CA10: variants seen among roughly 807,000 people sequenced by gnomAD.
CA10 encodes the protein carbonic anhydrase 10 (inactive).
A neutral mutation model predicts 44.2 loss-of-function variants in CA10; 14 were observed. The observed-to-expected ratio is 0.32, with a 90% CI of 0.21 to 0.50. The LOEUF (loss-of-function observed/expected upper bound fraction) is 0.50. CA10 is among the 20% of genes least tolerant of loss of function. The pLI, the probability that CA10 is intolerant of heterozygous loss-of-function variation, is 0.99. For synonymous variants in CA10, 159 were observed against 141.6 expected (o/e 1.12, Z -0.87); for missense variants, 350 against 409.7 (o/e 0.85, Z 1.26).
chr17:51,774,644 G>A (rs368589124), intron 3 of CA10, among the ~76,000 whole-genome samples: 226 of 151,924 alleles, frequency 1.5e-3, no homozygotes, highest in African/African-American at 5.0e-3. Context: ...GGGTTTCACC[G>A]TGTTGCCTAG....
intron 2 of CA10, among the ~76,000 whole-genome samples, chr17:51,976,877 AAAG>A (rs1350964270): frequency 2.0e-5 from 3 of 152,088 alleles, no homozygotes; most frequent in African/African-American, 4.8e-5. Context: ...ATCAGAAGCA[AAAG>A]AAGGGACCTT....
At chr17:52,060,486 A>G (rs187053737) in intron 2 of CA10, among the ~76,000 whole-genome samples, 2 of 152,328 alleles carry the variant, frequency 1.3e-5, no homozygotes, top group Admixed American at 1.3e-4. Flanking sequence ...AATGTAAGGC[A>G]TTAAATTAGG....
At chr17:51,903,844 C>T (rs532394191) in intron 3 of CA10, among the ~76,000 whole-genome samples, 96 of 152,048 alleles carry the variant, frequency 6.3e-4, no homozygotes, top group Non-Finnish European at 1.1e-3. Context: ...AGGTAGTAAG[C>T]TATTTTCTAT....
In CA10 at chr17:52,098,310, G is replaced by T. The variant is rs8074379; in HGVS notation, c.62-25917C>A. Among the ~76,000 whole-genome samples, 1,394 of 152,068 alleles carry T rather than the reference G, an allele frequency of 9.2e-3. 9 individuals are homozygous for T. Among genetic ancestry groups the T allele is most frequent in the Middle Eastern group, 0.051 (15 of 294 alleles). On this transcript the variant is annotated intron_variant, in intron 1 of 8. Coordinates refer to ENST00000451037, the MANE Select transcript of CA10 (RefSeq NM_020178.5). The stretch of plus-strand genomic sequence containing the variant: ...TGTGCATGAAACATCTACATTTTTT[G>T]AAAAAATTGTGGATATGACTCAGAA...
In CA10 at chr17:51,845,507, A is replaced by C. The variant is rs982839203; in HGVS notation, c.279+85483T>G. On this transcript the variant is annotated intron_variant, in intron 3 of 8. Transcript: ENST00000451037. ...CTGCTTCCAAATTCCTGATCCACAG[A>C]AACTGTGTGAAACTAAATATTGTTT... Among the ~76,000 whole-genome samples the C allele has an allele frequency of 1.3e-5, 2 of 152,210 alleles. 1 individual carries two copies. Among genetic ancestry groups the C allele is most frequent in the African/African-American group, 4.8e-5 (2 of 41,446 alleles).
intron 3 of CA10, among the ~76,000 whole-genome samples, chr17:51,811,149 T>C (rs1368457262): frequency 6.6e-6 from 1 of 150,728 alleles, no homozygotes; most frequent in East Asian, 2.0e-4. Context: ...TGAGCCAAGG[T>C]TGTGCCACTG....
At chr17:51,658,863 G>A (rs1471887982) in intron 4 of CA10, among the ~76,000 whole-genome samples, 1 of 152,132 alleles carries the variant, frequency 6.6e-6, no homozygotes, top group East Asian at 1.9e-4. Flanking sequence ...GCGACTATTT[G>A]AGTTCACATT....
chr17:51,859,779 G>C (rs575977126), intron 3 of CA10, among the ~76,000 whole-genome samples: 57 of 152,142 alleles, frequency 3.7e-4, no homozygotes, highest in Non-Finnish European at 6.5e-4. Flanking sequence ...AAAGTATAAA[G>C]AGCCACATAG....
At chr17:51,853,749 G>A (rs777513050) in intron 3 of CA10, among the ~76,000 whole-genome samples, 4 of 152,108 alleles carry the variant, frequency 2.6e-5, no homozygotes, top group Non-Finnish European at 5.9e-5. Flanking sequence ...CCCCCATGCT[G>A]TTCTTGTAAT....
Position 52,033,886 on chromosome 17 carries a change from C to A in CA10, c.136+38433G>T, listed in dbSNP as rs542436389. 1.9e-4 allele frequency among the ~76,000 whole-genome samples: 29 copies of A among 152,270 alleles called. 1 individual carries two copies. The East Asian group carries it at 4.6e-3, about 24-fold the overall frequency. On this transcript the variant is annotated intron_variant, in intron 2 of 8. Transcript: ENST00000451037. ...AAGAAAATCCTGCCATTTGCCACAACATGAATGATCCTAGAAGACATTATG... is the reference window on the plus strand; with the variant it reads ...AAGAAAATCCTGCCATTTGCCACAAAATGAATGATCCTAGAAGACATTATG...
intron 2 of CA10, among the ~76,000 whole-genome samples, chr17:51,976,951 C>T (rs1281917312): frequency 1.3e-5 from 2 of 151,816 alleles, no homozygotes; most frequent in Non-Finnish European, 2.9e-5. Context: ...ATTAGTTTTA[C>T]AATATAGATT....
chr17:51,937,579 A>G (rs1437884122), intron 2 of CA10, among the ~76,000 whole-genome samples: 2 of 152,104 alleles, frequency 1.3e-5, no homozygotes. Context: ...GGAATTGCAT[A>G]TATCCTATTT....
intron 3 of CA10, among the ~76,000 whole-genome samples, chr17:51,877,973 A>G (rs1394079322): frequency 1.3e-5 from 2 of 151,370 alleles, no homozygotes; most frequent in Non-Finnish European, 3.0e-5. Flanking sequence ...TGAAACCCCA[A>G]CTCTACTAAA....
chr17:52,063,357 A>C (rs1987442907), intron 2 of CA10, among the ~76,000 whole-genome samples: 1 of 152,114 alleles, frequency 6.6e-6, no homozygotes, highest in African/African-American at 2.4e-5. Context: ...ATTGGGATAG[A>C]ATGATTGTAT....
At chr17:52,098,356 A>T (rs183999084) in intron 1 of CA10, among the ~76,000 whole-genome samples, 25 of 152,206 alleles carry the variant, frequency 1.6e-4, no homozygotes, top group African/African-American at 6.0e-4. Context: ...GGGGCCTGAG[A>T]TTCTGTATTT....
At chr17:51,752,044 T>C (rs1011885205) in intron 3 of CA10, among the ~76,000 whole-genome samples, 2 of 152,152 alleles carry the variant, frequency 1.3e-5, no homozygotes, top group African/African-American at 4.8e-5. Flanking sequence ...AATCCATAAC[T>C]GCTATCATTT....
intron 5 of CA10, among the ~76,000 whole-genome samples, chr17:51,651,711 C>T (rs1339485337): frequency 6.6e-6 from 1 of 152,210 alleles, no homozygotes. Flanking sequence ...ACTCTGTCAG[C>T]TGTCATGTGC....
chr17:51,939,041 G>A (rs1199662573), intron 2 of CA10, among the ~76,000 whole-genome samples: 2 of 152,010 alleles, frequency 1.3e-5, no homozygotes, highest in Admixed American at 1.3e-4. Flanking sequence ...CCTCCTTCCA[G>A]TAACATCCTG....
intron 3 of CA10, among the ~76,000 whole-genome samples, chr17:51,911,316 C>T (rs979312545): frequency 5.3e-5 from 8 of 152,082 alleles, no homozygotes; most frequent in South Asian, 4.1e-4. Flanking sequence ...AGCGTTATTG[C>T]GGCAATAACT....
Sources: allele counts gnomAD v4.1 joint callset (sites outside exome capture counted in the v4.1 genomes callset), GRCh38; gene constraint gnomAD v4.1.1; transcripts MANE v1.5; gene names NCBI Gene and HGNC (gene_info 2026-07-23, HGNC 2026-07-21).